The following NFKBIZ variants were observed in gnomAD, a reference collection of about 807,000 sequenced individuals.
NFKBIZ encodes NFKB inhibitor zeta, also known as NF-kappa-B inhibitor zeta.
Under a neutral mutation model 76.8 loss-of-function variants are expected in NFKBIZ, and 19 were observed. The observed-to-expected ratio is 0.25, with a 90% CI of 0.17 to 0.36. The LOEUF (loss-of-function observed/expected upper bound fraction) is 0.36, where lower values mean the gene tolerates loss of function less well. Ranked by LOEUF, NFKBIZ falls within the 10% of genes least tolerant of loss-of-function variation. NFKBIZ has a pLI of 1.00. For synonymous variants in NFKBIZ, 368 were observed against 354.8 expected (o/e 1.04, Z -0.42); for missense variants, 829 against 910.9 (o/e 0.91, Z 1.16).
intron 9 of NFKBIZ, 118 bp downstream of exon 9, chr3:101,856,020 G>A: frequency 1.0e-6 from 1 of 952,824 alleles, no homozygotes; most frequent in East Asian, 2.7e-5. Context: ...TTAATGGTGT[G>A]AGTAGCAATG....
At position 101,860,306 on chromosome 3, in the gene NFKBIZ, G is replaced by C; in HGVS notation, c.*935G>C. ...TGATCCTCCTACCTGAGCCTTCTGA[G>C]TAACTGGAACTACAGGTGTGCACTC... On this transcript the variant is annotated 3_prime_UTR_variant, in exon 12 of 12. Transcript: ENST00000326172. 6.6e-6 allele frequency: 1 copy of C among 151,730 alleles called. No homozygotes were observed. The highest frequency in any genetic ancestry group is 1.9e-4 in the East Asian group (1 of 5,170). The allele number at this position is 151,730 out of a possible 1,614,324, so 9.4% of individuals were successfully genotyped here. A position where few individuals can be genotyped will look rare whatever the true frequency, so the allele number is the denominator to read the frequency against.
chr3:101,857,042 T>C, intron 9 of NFKBIZ, 31 bp from the exon 10 acceptor site: 3 of 1,487,474 alleles, frequency 2.0e-6, no homozygotes, highest in Non-Finnish European at 2.8e-6. Context: ...GATTTTTTTT[T>C]TTTTTTTTCC....
intron 9 of NFKBIZ, among the ~76,000 whole-genome samples, chr3:101,856,345 C>T (rs536332415): frequency 1.5e-4 from 23 of 152,270 alleles, no homozygotes; most frequent in East Asian, 1.9e-4. Flanking sequence ...CCACCGCGCC[C>T]GGCCAAGAAG....
Position 101,849,680 on chromosome 3 carries a change from G to T in NFKBIZ, c.52G>T (p.Asp18Tyr). The T allele has an allele frequency of 7.2e-7, 1 of 1,395,094 alleles. No homozygotes were observed. Among genetic ancestry groups the T allele is most frequent in the Non-Finnish European group, 9.2e-7 (1 of 1,082,580 alleles). The allele number at this position is 1,395,094 out of a possible 1,614,324, so 86.4% of individuals were successfully genotyped here. A position where few individuals can be genotyped will look rare whatever the true frequency, so the allele number is the denominator to read the frequency against. Residue 18 changes from aspartate (D) to tyrosine (Y), a missense_variant, in exon 1 of 12, where the codon GAC (aspartate) becomes TAC (tyrosine). Transcript: ENST00000326172. Reference protein sequence around the residue: ...DDSRGGEGLRDAAGGCGLMTS... With the variant: ...DDSRGGEGLRYAAGGCGLMTS... The stretch of plus-strand genomic sequence containing the variant: ...CAGCCGCGGCGGAGAGGGGCTGCGG[G>T]ACGCGGCGGGCGGCTGCGGCCTCAT...
chr3:101,852,247 G>C (rs1401986426), intron 2 of NFKBIZ, 23 bp downstream of exon 2: 1 of 1,612,078 alleles, frequency 6.2e-7, no homozygotes, highest in East Asian at 2.2e-5. Context: ...TTTCTGTTTT[G>C]AGTATAGAGT....
intron 2 of NFKBIZ, among the ~76,000 whole-genome samples, chr3:101,839,276 A>T (rs1031755711): frequency 5.3e-5 from 8 of 152,198 alleles, no homozygotes; most frequent in East Asian, 1.9e-4. Flanking sequence ...AAAGTTCCAG[A>T]ATTAAAATTC....
rs1943109879 is a variant in NFKBIZ, at chr3:101,859,997, C to T, written c.*626C>T. On this transcript the variant is annotated 3_prime_UTR_variant, in exon 12 of 12. Transcript: ENST00000326172. ...ATAGAAAAGAACAAGTGAATTGTTG[C>T]TATTTAAAAAAATTTTACAATTCTT... 1.3e-5 allele frequency: 2 copies of T among 152,068 alleles called. No individual in the cohort carries two copies. Among genetic ancestry groups the T allele is most frequent in the South Asian group, 2.1e-4 (1 of 4,834 alleles). 9.4% of individuals were successfully genotyped at this position (152,068 alleles called of 1,614,324 possible).
upstream of NFKBIZ, among the ~76,000 whole-genome samples, chr3:101,847,302 TG>T (rs1202209837): frequency 1.3e-5 from 2 of 152,266 alleles, no homozygotes; most frequent in African/African-American, 4.8e-5. Context: ...TCCAAGGAAT[TG>T]CAATTACTGA....
Position 101,853,754 on chromosome 3 carries a change from A to G in NFKBIZ, c.1228A>G (p.Thr410Ala), listed in dbSNP as rs750600185. 1.2e-6 allele frequency: 2 copies of G among 1,614,214 alleles called. No individual in the cohort carries two copies. Among genetic ancestry groups the G allele is most frequent in the Non-Finnish European group, 1.7e-6 (2 of 1,180,028 alleles). ...PFSNMGNPMNTTQLGKSLFQW... is the reference protein window; with the variant it reads ...PFSNMGNPMNATQLGKSLFQW... The stretch of plus-strand genomic sequence containing the variant: ...CTCAAACATGGGAAATCCAATGAAC[A>G]CCACACAGTTAGGGAAATCACTTTT... Residue 410 changes from threonine (T) to alanine (A), a missense_variant, in exon 5 of 12, where the codon ACC becomes GCC. Around this residue, in one of 4 missense-constraint regions of NFKBIZ, gnomAD observed 272 missense variants for 384.2 expected, o/e 0.71. Coordinates refer to ENST00000326172, the MANE Select transcript of NFKBIZ (RefSeq NM_031419.4).
At chr3:101,834,939 T>G (rs1358188870) in intron 2 of NFKBIZ, among the ~76,000 whole-genome samples, 2 of 152,240 alleles carry the variant, frequency 1.3e-5, no homozygotes, top group Non-Finnish European at 2.9e-5. Context: ...GACTTGACTC[T>G]GTGGTCCTCC....
chr3:101,828,544 C>A (rs964829409), intron 1 of NFKBIZ, among the ~76,000 whole-genome samples: 3 of 152,122 alleles, frequency 2.0e-5, no homozygotes, highest in Non-Finnish European at 4.4e-5. Context: ...AGAAGTCTCC[C>A]AGGAGATTTG....
At chr3:101,855,020 A>G in intron 6 of NFKBIZ, 42 bp from the exon 7 acceptor site, 1 of 1,549,610 alleles carries the variant, frequency 6.5e-7, no homozygotes, top group Non-Finnish European at 8.7e-7. Context: ...TTATGATAAC[A>G]TTGTATGTTT....
intron 2 of NFKBIZ, among the ~76,000 whole-genome samples, chr3:101,840,191 A>C (rs1380751468): frequency 6.6e-6 from 1 of 152,186 alleles, no homozygotes; most frequent in African/African-American, 2.4e-5. Flanking sequence ...TGGAGTTGTC[A>C]ACAAGTCAGA....
Position 101,836,932 on chromosome 3 carries a change from G to A in NFKBIZ, c.-12+7244G>A, listed in dbSNP as rs187673715. Among the ~76,000 whole-genome samples, 745 of 152,210 alleles carry A rather than the reference G, an allele frequency of 4.9e-3. 1 individual carries two copies. The highest frequency in any genetic ancestry group is 8.3e-3 in the Non-Finnish European group (561 of 67,998). On this transcript the variant is annotated intron_variant, in intron 2 of 12. Coordinates refer to the NFKBIZ transcript ENST00000394054. ...GTTACTTTGATCAGATTATCTATTC[G>A]TATCTACTTTTATATTTTTTGTAAC...
rs564042879 is a variant in NFKBIZ at position 101,831,544 on chromosome 3, C to T, written c.-12+1856C>T. ...GTACTGGTTTCCAGAGGGGGAACAA[C>T]GTTTTTAGTTTCTTTTCTTTTCTCT... On this transcript the variant is annotated intron_variant, in intron 2 of 12. Transcript: ENST00000394054. Among the ~76,000 whole-genome samples the T allele has an allele frequency of 4.6e-5, 7 of 152,184 alleles. No individual in the cohort carries two copies. The South Asian group carries it at 1.0e-3, about 23-fold the overall frequency.
intron 2 of NFKBIZ, among the ~76,000 whole-genome samples, chr3:101,833,961 T>G (rs1274860420): frequency 1.3e-5 from 2 of 152,204 alleles, no homozygotes; most frequent in Admixed American, 6.5e-5. Context: ...CCAAACTTCA[T>G]GGTTGTTCAT....
intron 2 of NFKBIZ, among the ~76,000 whole-genome samples, chr3:101,838,522 T>C (rs1331049406): frequency 2.0e-5 from 3 of 152,190 alleles, no homozygotes; most frequent in African/African-American, 7.2e-5. Flanking sequence ...TGGAGGATAT[T>C]ATGCAGGCAC....
In NFKBIZ at chr3:101,855,013, T is replaced by C. The variant is rs371907300; in HGVS notation, c.1444-49T>C. On this transcript the variant is annotated intron_variant, in intron 6 of 11. Transcript: ENST00000326172. ...TAGTTTAGTTTCATATTCCTTGTTA[T>C]GATAACATTGTATGTTTAAAATATC... is the stretch of plus-strand genomic sequence containing the variant. The C allele has an allele frequency of 5.2e-6, 8 of 1,533,434 alleles. No individual in the cohort carries two copies. The African/African-American group carries it at 8.3e-5, about 16-fold the overall frequency. The allele number at this position is 1,533,434 out of a possible 1,614,324, so 95.0% of individuals were successfully genotyped here.
intron 9 of NFKBIZ, chr3:101,856,795 CAT>C (rs1943055897): frequency 3.3e-6 from 1 of 306,638 alleles, no homozygotes; most frequent in Admixed American, 4.6e-5. Flanking sequence ...TAGGTTATGA[CAT>C]AGGATTTAAA....
Sources: gnomAD v4.1 joint callset for allele counts (sites outside exome capture counted in the v4.1 genomes callset) on GRCh38, gnomAD v4.1.1 for gene constraint, gnomAD v4.1.1 regional missense constraint, MANE v1.5 for transcripts, NCBI Gene and HGNC (gene_info 2026-07-23, HGNC 2026-07-21) for gene names.